Variants in IFT52 observed in about 807,000 individuals in gnomAD.
IFT52 encodes the protein intraflagellar transport 52, also known as intraflagellar transport protein 52 homolog.
IFT52 carries 44 observed loss-of-function variants against 54.4 expected under a neutral mutation model. The observed-to-expected ratio is 0.81, with a 90% confidence interval of 0.63 to 1.04. The LOEUF (loss-of-function observed/expected upper bound fraction) is 1.04. IFT52 is among the 50% of genes least tolerant of loss of function. The pLI is 0.00. For synonymous variants in IFT52, 181 were observed against 185.3 expected (o/e 0.98, Z 0.19); for missense variants, 452 against 523.6 (o/e 0.86, Z 1.33).
intron 3 of IFT52, among the ~76,000 whole-genome samples, chr20:43,602,387 C>T (rs1230521918): frequency 1.3e-5 from 2 of 152,002 alleles, no homozygotes; most frequent in Non-Finnish European, 2.9e-5. Context: ...GTCTCGAGCT[C>T]CTGACCTCAA....
At chr20:43,605,844 A>T (rs966785856) in intron 6 of IFT52, among the ~76,000 whole-genome samples, 5 of 152,156 alleles carry the variant, frequency 3.3e-5, no homozygotes, top group African/African-American at 9.7e-5. Context: ...GCACATGACT[A>T]CTCTGTGTCA....
chr20:43,606,024 C>A (rs1601033413), intron 6 of IFT52, among the ~76,000 whole-genome samples: 2 of 152,036 alleles, frequency 1.3e-5, no homozygotes, highest in East Asian at 2.0e-4. Context: ...AGTTTGAAAC[C>A]AGCCTGGCTA....
intron 3 of IFT52, among the ~76,000 whole-genome samples, chr20:43,602,094 G>A (rs180772798): frequency 6.6e-6 from 1 of 152,096 alleles, no homozygotes; most frequent in Admixed American, 6.6e-5. Flanking sequence ...ACAGAAAAGA[G>A]GCATTGGATT....
At chr20:43,602,143 T>TTTATTTATTTA (rs11472130) in intron 3 of IFT52, among the ~76,000 whole-genome samples, 21,429 of 145,510 alleles carry the variant, frequency 0.15, 1,869 homozygotes, top group Admixed American at 0.19. Flanking sequence ...CTGATTTTTA[T>TTTATTTATTTA]TTTATTTATT....
intron 6 of IFT52, among the ~76,000 whole-genome samples, chr20:43,607,578 C>T (rs1236904961): frequency 4.8e-5 from 7 of 146,034 alleles, no homozygotes; most frequent in Non-Finnish European, 7.5e-5. Context: ...GATGGGCGGC[C>T]GGGCAGAGAT....
chr20:43,615,676 C>T (rs568060009), intron 7 of IFT52, among the ~76,000 whole-genome samples: 3 of 152,172 alleles, frequency 2.0e-5, no homozygotes, highest in South Asian at 2.1e-4. Context: ...TAGTGGCTCA[C>T]GCCTGTAATC....
At chr20:43,607,270 C>T (rs1227566330) in intron 6 of IFT52, among the ~76,000 whole-genome samples, 2 of 150,948 alleles carry the variant, frequency 1.3e-5, no homozygotes, top group Admixed American at 6.6e-5. Context: ...GGCTGACCCC[C>T]CCACCTCCCT....
chr20:43,608,954 G>A (rs1230617270), intron 6 of IFT52, among the ~76,000 whole-genome samples: 5 of 151,744 alleles, frequency 3.3e-5, no homozygotes, highest in Non-Finnish European at 7.4e-5. Context: ...TAATGTGATT[G>A]GCTGTGTGCA....
At chr20:43,621,426 A>G (rs1251197837) in intron 9 of IFT52, among the ~76,000 whole-genome samples, 1 of 151,966 alleles carries the variant, frequency 6.6e-6, no homozygotes, top group Non-Finnish European at 1.5e-5. Flanking sequence ...CTTTCTGACC[A>G]TTTTTCATCC....
intron 11 of IFT52, among the ~76,000 whole-genome samples, 192 bp downstream of exon 11, chr20:43,636,205 C>G (rs893498021): frequency 2.0e-5 from 3 of 152,154 alleles, no homozygotes; most frequent in African/African-American, 7.2e-5. Context: ...TGGTATGCTT[C>G]CAAATTGAGG....
At chr20:43,591,987 C>T (rs566955471) in intron 1 of IFT52, among the ~76,000 whole-genome samples, 113 of 152,226 alleles carry the variant, frequency 7.4e-4, no homozygotes, top group African/African-American at 2.6e-3. Context: ...ATTATATAGG[C>T]GAGGTGGTAC....
chr20:43,628,965 C>T (rs1403235406), intron 10 of IFT52, among the ~76,000 whole-genome samples: 4 of 152,046 alleles, frequency 2.6e-5, no homozygotes, highest in Admixed American at 1.3e-4. Flanking sequence ...AAGGATTTGC[C>T]AGTCCCACGG....
Position 43,624,028 on chromosome 20 carries a change from C to T in IFT52, c.906C>T (p.Ser302=), listed in dbSNP as rs1984540757. The T allele has an allele frequency of 6.2e-7, 1 of 1,614,024 alleles. No homozygotes were observed. Among genetic ancestry groups the T allele is most frequent in the Non-Finnish European group, 8.5e-7 (1 of 1,180,018 alleles). ...DLSIFQLDTT[S]FHSVIEAHEQ... Reference sequence around the variant, plus strand: ...CCATCTTCCAGCTGGATACCACCTCCTTCCACAGCGTCATCGAGTCAGTAC... The same window carrying T: ...CCATCTTCCAGCTGGATACCACCTCTTTCCACAGCGTCATCGAGTCAGTAC... Residue 302 remains serine, a synonymous_variant, in exon 10 of 14, where the codon TCC becomes TCT. Coordinates refer to ENST00000373030, the MANE Select transcript of IFT52 (RefSeq NM_016004.5).
chr20:43,620,677 G>A (rs898450444), intron 8 of IFT52, among the ~76,000 whole-genome samples, 180 bp from the exon 9 acceptor site: 1 of 152,072 alleles, frequency 6.6e-6, no homozygotes, highest in Non-Finnish European at 1.5e-5. Context: ...GTGCATTAGG[G>A]TGAAGAAAAC....
chr20:43,645,332 T>C (rs1445721368), intron 13 of IFT52, among the ~76,000 whole-genome samples: 1 of 56,926 alleles, frequency 1.8e-5, no homozygotes, highest in African/African-American at 5.1e-5. Flanking sequence ...CCAAGGCAGG[T>C]GGATCACGAG....
intron 6 of IFT52, 141 bp downstream of exon 6, chr20:43,605,214 A>G (rs1242433849): frequency 2.1e-6 from 3 of 1,449,340 alleles, no homozygotes; most frequent in Non-Finnish European, 2.7e-6. Context: ...GAAGCTCTGC[A>G]CTGTAAGTCC....
chr20:43,624,758 T>C lies in IFT52; in HGVS notation c.923+713T>C, dbSNP rs1984594448. Among the ~76,000 whole-genome samples, 4 of 150,658 alleles carry C rather than the reference T, an allele frequency of 2.7e-5. No homozygotes were observed. The South Asian group carries it at 8.5e-4, about 32-fold the overall frequency. On this transcript the variant is annotated intron_variant, in intron 10 of 13. Coordinates refer to ENST00000373030, the MANE Select transcript of IFT52 (RefSeq NM_016004.5). The stretch of plus-strand genomic sequence containing the variant: ...AGGAAATGACACAGAAGCAGAGGGG[T>C]TCAGAAAGGGCCAGGGCTCATCTTC...
intron 10 of IFT52, among the ~76,000 whole-genome samples, chr20:43,626,022 G>GAAAAAA (rs11403788): frequency 1.0e-5 from 1 of 96,684 alleles, no homozygotes; most frequent in Non-Finnish European, 1.9e-5. Flanking sequence ...CTTGTCTCCG[G>GAAAAAA]AAAAAAAAAA....
chr20:43,614,303 C>G (rs6073150), intron 7 of IFT52, among the ~76,000 whole-genome samples: 6 of 150,544 alleles, frequency 4.0e-5, no homozygotes, highest in African/African-American at 1.5e-4. Flanking sequence ...GGTGCAATCT[C>G]GGCTCACTGC....
Sources: gnomAD v4.1 joint callset for allele counts (sites outside exome capture counted in the v4.1 genomes callset) on GRCh38, gnomAD v4.1.1 for gene constraint, MANE v1.5 for transcripts, NCBI Gene and HGNC (gene_info 2026-07-23, HGNC 2026-07-21) for gene names.